SMAP1: variants seen among roughly 807,000 people sequenced by gnomAD.
SMAP1 encodes small ArfGAP 1.
SMAP1 carries 24 observed loss-of-function variants against 58.5 expected under a neutral mutation model. The ratio of observed to expected loss-of-function variants is 0.41; its 90% CI spans 0.30 to 0.58. The LOEUF is 0.58. Ranked by LOEUF, SMAP1 falls within the 20% of genes least tolerant of loss-of-function variation. The pLI is 0.29. For missense variants in SMAP1, 563 were observed against 566.3 expected, an observed-to-expected ratio of 0.99 and a Z score of 0.06; for synonymous variants, 216 against 196.6, an observed-to-expected ratio of 1.10 and a Z score of -0.82.
At position 70,803,646 on chromosome 6, in the gene SMAP1, C is replaced by T. The variant is rs746994222; in HGVS notation, c.576+4909C>T. On this transcript the variant is annotated intron_variant, in intron 6 of 10. Coordinates refer to ENST00000370455, the MANE Select transcript of SMAP1 (RefSeq NM_001044305.3). ...TGTGGGCATTTAGTGCTATAAATTT[C>T]CCTCTACACACTGCTTTAAATGTGT... Among the ~76,000 whole-genome samples the T allele has an allele frequency of 4.9e-4, 74 of 152,288 alleles. 1 individual carries two copies. The highest frequency in any genetic ancestry group is 1.2e-3 in the South Asian group (6 of 4,818).
At chr6:70,744,066 A>G (rs1765919955) in intron 2 of SMAP1, among the ~76,000 whole-genome samples, 2 of 152,086 alleles carry the variant, frequency 1.3e-5, no homozygotes, top group Non-Finnish European at 2.9e-5. Flanking sequence ...TGGAAATGGC[A>G]TATTTTAGAA....
chr6:70,743,980 T>A (rs902736754), intron 2 of SMAP1, among the ~76,000 whole-genome samples: 2 of 152,196 alleles, frequency 1.3e-5, no homozygotes, highest in Admixed American at 6.5e-5. Flanking sequence ...TGCCCTATAT[T>A]TTCTTTTTCC....
chr6:70,698,452 CTG>C (rs1489517427), intron 1 of SMAP1, among the ~76,000 whole-genome samples: 3 of 152,172 alleles, frequency 2.0e-5, no homozygotes, highest in Non-Finnish European at 4.4e-5. Context: ...GGAAAATTCT[CTG>C]TTATTATCCC....
intron 6 of SMAP1, among the ~76,000 whole-genome samples, chr6:70,834,404 T>C (rs919834372): frequency 1.3e-5 from 2 of 149,312 alleles, no homozygotes; most frequent in Admixed American, 6.7e-5. Context: ...AAATTTGGAG[T>C]GGCAGAAAAT....
intron 7 of SMAP1, among the ~76,000 whole-genome samples, chr6:70,842,777 C>T (rs1281729190): frequency 6.6e-6 from 1 of 152,102 alleles, no homozygotes; most frequent in Admixed American, 6.5e-5. Context: ...CTCATTCTGC[C>T]GCCCTCATCA....
At chr6:70,744,733 T>C (rs546646589) in intron 2 of SMAP1, among the ~76,000 whole-genome samples, 2 of 152,334 alleles carry the variant, frequency 1.3e-5, no homozygotes, top group Non-Finnish European at 1.5e-5. Flanking sequence ...TTCTAGATCC[T>C]TGGGGAATTG....
intron 1 of SMAP1, among the ~76,000 whole-genome samples, chr6:70,726,105 A>G (rs1343375151): frequency 6.6e-6 from 1 of 152,144 alleles, no homozygotes; most frequent in Non-Finnish European, 1.5e-5. Context: ...TTGAGCCTAA[A>G]TTTCTCAATC....
rs187554524 is a variant in SMAP1, at chr6:70,705,137, A to G, written c.119-27241A>G. 5.3e-5 allele frequency among the ~76,000 whole-genome samples: 8 copies of G among 152,254 alleles called. No individual in the cohort carries two copies. The East Asian group carries it at 1.2e-3, about 22-fold the overall frequency. On this transcript the variant is annotated intron_variant, in intron 1 of 10. Coordinates refer to ENST00000370455, the MANE Select transcript of SMAP1 (RefSeq NM_001044305.3). Reference sequence around the variant, plus strand: ...GAGTGAATGAACAATTAAGCTTCTGAGTCTTTTCCCTTCTTCCATATCTCA... The same window carrying G: ...GAGTGAATGAACAATTAAGCTTCTGGGTCTTTTCCCTTCTTCCATATCTCA...
chr6:70,743,435 A>G (rs533684545), intron 2 of SMAP1, among the ~76,000 whole-genome samples: 7 of 152,224 alleles, frequency 4.6e-5, no homozygotes, highest in Non-Finnish European at 7.3e-5. Context: ...ATGATAAGCA[A>G]CATTTCATAG....
intron 3 of SMAP1, among the ~76,000 whole-genome samples, chr6:70,755,401 A>T (rs773781801): frequency 5.9e-5 from 9 of 152,068 alleles, no homozygotes; most frequent in Non-Finnish European, 1.2e-4. Flanking sequence ...TACTTTGAGT[A>T]CTAGTGTAAC....
chr6:70,825,055 C>T (rs1286524340), intron 6 of SMAP1, among the ~76,000 whole-genome samples: 2 of 152,168 alleles, frequency 1.3e-5, no homozygotes, highest in Non-Finnish European at 2.9e-5. Flanking sequence ...CAGTCTTGTA[C>T]TGTGACTCTG....
intron 4 of SMAP1, among the ~76,000 whole-genome samples, chr6:70,790,943 A>T (rs951162627): frequency 1.3e-5 from 2 of 152,222 alleles, no homozygotes; most frequent in Non-Finnish European, 2.9e-5. Flanking sequence ...GTGATCAACT[A>T]CGCATGCAGA....
chr6:70,702,144 G>A (rs919195409), intron 1 of SMAP1, among the ~76,000 whole-genome samples: 2 of 151,780 alleles, frequency 1.3e-5, no homozygotes, highest in African/African-American at 4.8e-5. Context: ...ATTTTTTTCT[G>A]TTTATCCTTA....
intron 3 of SMAP1, among the ~76,000 whole-genome samples, chr6:70,758,549 A>T (rs1766614085): frequency 6.6e-6 from 1 of 151,448 alleles, no homozygotes. Flanking sequence ...AAAAATAAAA[A>T]CACATGAAGG....
At chr6:70,849,530 CTTTA>C (rs1448767962) in intron 7 of SMAP1, among the ~76,000 whole-genome samples, 3 of 152,050 alleles carry the variant, frequency 2.0e-5, no homozygotes, top group East Asian at 1.9e-4. Flanking sequence ...GCTGTGTAGA[CTTTA>C]TTTAGAGGAA....
chr6:70,726,804 A>G (rs1046950612), intron 1 of SMAP1, among the ~76,000 whole-genome samples: 44 of 151,892 alleles, frequency 2.9e-4, no homozygotes, highest in African/African-American at 1.1e-3. Flanking sequence ...TTTCTGCAGG[A>G]TTTCCATACC....
rs1766093340 is a variant in SMAP1, at chr6:70,667,951, G to A, written c.-73G>A. On this transcript the variant is annotated 5_prime_UTR_variant, in exon 1 of 11. Coordinates refer to ENST00000370455, the MANE Select transcript of SMAP1 (RefSeq NM_001044305.3). The stretch of plus-strand genomic sequence containing the variant: ...CCGCGGTCCCGGCGGCGCCAGGTGC[G>A]TTCACTCTGCCCGGCTCCAGCCAGC... 1.5e-6 allele frequency: 2 copies of A among 1,370,028 alleles called. No homozygotes were observed. The highest frequency in any genetic ancestry group is 2.0e-6 in the Non-Finnish European group (2 of 1,004,638). The allele number at this position is 1,370,028 out of a possible 1,614,324, so 84.9% of individuals were successfully genotyped here.
intron 1 of SMAP1, among the ~76,000 whole-genome samples, chr6:70,691,729 G>T (rs1431906127): frequency 2.6e-5 from 4 of 152,142 alleles, no homozygotes; most frequent in African/African-American, 7.2e-5. Context: ...TTCTGTGCCT[G>T]ACATTTCACT....
At chr6:70,681,018 A>G (rs776648797) in intron 1 of SMAP1, among the ~76,000 whole-genome samples, 5 of 151,932 alleles carry the variant, frequency 3.3e-5, no homozygotes, top group Non-Finnish European at 7.4e-5. Flanking sequence ...GCGCCTGGCC[A>G]TAATTACACG....
Sources: allele counts gnomAD v4.1 joint callset (sites outside exome capture counted in the v4.1 genomes callset), GRCh38; gene constraint gnomAD v4.1.1; transcripts MANE v1.5; gene names NCBI Gene and HGNC (gene_info 2026-07-23, HGNC 2026-07-21).